The following RTL4 variants were observed in gnomAD, a reference collection of about 807,000 sequenced individuals.
RTL4 encodes the protein retrotransposon Gag like 4, also known as retrotransposon Gag-like protein 4.
A neutral mutation model predicts 5.3 loss-of-function variants in RTL4; 4 were observed. That is an observed-to-expected ratio of 0.75 (90% CI 0.37 to 1.72). The LOEUF is 1.72. Among genes scored for constraint, RTL4 ranks in the 40% most tolerant of loss-of-function variants. RTL4 has a pLI of 0.04. For missense variants in RTL4, 260 were observed against 227.1 expected (o/e 1.14, Z -0.93); for synonymous variants, 98 against 87.3 (o/e 1.12, Z -0.68).
the RTL4 span, among the ~76,000 whole-genome samples, chrX:112,300,693 G>T: frequency 8.9e-6 from 1 of 112,217 alleles, no homozygotes; most frequent in African/African-American, 3.2e-5. Context: ...CATGGCCTTA[G>T]TAGTTAGAGA....
the RTL4 span, among the ~76,000 whole-genome samples, chrX:112,115,705 A>C: frequency 8.9e-6 from 1 of 111,779 alleles, no homozygotes; most frequent in Non-Finnish European, 1.9e-5. Flanking sequence ...CAGGTGCCTA[A>C]GGAAGGGAAC....
the RTL4 span, among the ~76,000 whole-genome samples, chrX:112,328,742 G>C: frequency 9.0e-6 from 1 of 111,403 alleles, no homozygotes; most frequent in African/African-American, 3.3e-5. Context: ...TACCAAAATT[G>C]ACCACATACT....
the RTL4 span, among the ~76,000 whole-genome samples, chrX:112,246,236 C>T: frequency 8.9e-6 from 1 of 111,790 alleles, no homozygotes; most frequent in Non-Finnish European, 1.9e-5. Flanking sequence ...CTGGGAGAAC[C>T]ATTGCTCTCT....
At chrX:112,163,011 C>T in the RTL4 span, among the ~76,000 whole-genome samples, 1 of 111,789 alleles carries the variant, frequency 8.9e-6, no homozygotes, top group Non-Finnish European at 1.9e-5. Flanking sequence ...GTGTTCAGTT[C>T]TCCTCATTTA....
chrX:112,406,695 C>T, the RTL4 span, among the ~76,000 whole-genome samples: 1 of 110,884 alleles, frequency 9.0e-6, no homozygotes, highest in African/African-American at 3.3e-5. Flanking sequence ...GATGGCATCA[C>T]CTCTACCCTA....
At chrX:112,228,006 C>G in the RTL4 span, among the ~76,000 whole-genome samples, 3 of 111,465 alleles carry the variant, frequency 2.7e-5, no homozygotes, top group Non-Finnish European at 5.6e-5. Flanking sequence ...ACTTCACTCT[C>G]TGCTAGTCTG....
At chrX:112,364,567 G>A in the RTL4 span, among the ~76,000 whole-genome samples, 3 of 111,140 alleles carry the variant, frequency 2.7e-5, no homozygotes, top group Non-Finnish European at 5.7e-5. Context: ...CTGGTGAGGG[G>A]TGGTGATGGT....
chrX:112,213,866 A>T, the RTL4 span, among the ~76,000 whole-genome samples: 1 of 109,526 alleles, frequency 9.1e-6, no homozygotes, highest in Non-Finnish European at 1.9e-5. Flanking sequence ...CTTCACTGTG[A>T]TATTTATTCA....
chrX:112,141,754 G>GA, the RTL4 span, among the ~76,000 whole-genome samples: 3 of 110,536 alleles, frequency 2.7e-5, no homozygotes, highest in Non-Finnish European at 5.7e-5. Flanking sequence ...GAAATGTACT[G>GA]AAAAAAAAGG....
chrX:112,327,261 A>C, the RTL4 span, among the ~76,000 whole-genome samples: 2 of 111,776 alleles, frequency 1.8e-5, no homozygotes, highest in African/African-American at 6.5e-5. Flanking sequence ...ACTTTGAAAA[A>C]AATTTGGAAG....
chrX:112,259,799 C>A, the RTL4 span, among the ~76,000 whole-genome samples: 5 of 111,830 alleles, frequency 4.5e-5, no homozygotes, highest in African/African-American at 1.6e-4. Context: ...AATTTCAATC[C>A]TTCTGTCCAG....
chrX:112,446,105 C>T, the RTL4 span, among the ~76,000 whole-genome samples: 2 of 112,132 alleles, frequency 1.8e-5, no homozygotes, highest in Non-Finnish European at 3.8e-5. Context: ...TCCCCAGAAT[C>T]TGCTCTGTTT....
the RTL4 span, among the ~76,000 whole-genome samples, chrX:112,101,985 T>C: frequency 1.3e-3 from 146 of 110,788 alleles, no homozygotes; most frequent in Middle Eastern, 4.7e-3. Context: ...TGTGGCCTTA[T>C]AGACTTTGAT....
the RTL4 span, among the ~76,000 whole-genome samples, chrX:112,383,204 T>C: frequency 8.9e-6 from 1 of 111,854 alleles, no homozygotes; most frequent in Admixed American, 9.5e-5. Flanking sequence ...TTTTAAATTA[T>C]ATATTTCTAG....
chrX:112,323,783 G>A, the RTL4 span, among the ~76,000 whole-genome samples: 1 of 112,056 alleles, frequency 8.9e-6, no homozygotes, highest in South Asian at 3.6e-4. Flanking sequence ...AGCCACCATG[G>A]CCAGGCTTGA....
chrX:112,171,918 C>T, the RTL4 span, among the ~76,000 whole-genome samples: 1 of 112,090 alleles, frequency 8.9e-6, no homozygotes, highest in Admixed American at 9.4e-5. Flanking sequence ...TCAGAGTGAA[C>T]AGACAACCTA....
the RTL4 span, among the ~76,000 whole-genome samples, chrX:112,090,660 T>G: frequency 2.5e-4 from 28 of 111,382 alleles, no homozygotes; most frequent in African/African-American, 6.8e-4. Context: ...TAGTATTTTT[T>G]TGGGGATTTT....
chrX:112,284,849 C>T, the RTL4 span, among the ~76,000 whole-genome samples: 2,072 of 111,516 alleles, frequency 0.019, 53 homozygotes, highest in African/African-American at 0.061. Context: ...ATCCCAGAGA[C>T]GCTCTAGAGC....
chrX:112,345,903 G>A, the RTL4 span, among the ~76,000 whole-genome samples: 1 of 111,379 alleles, frequency 9.0e-6, no homozygotes, highest in Non-Finnish European at 1.9e-5. Flanking sequence ...ACCAAGACAG[G>A]AATTTGATTT....
Sources: allele counts gnomAD v4.1 joint callset (sites outside exome capture counted in the v4.1 genomes callset), GRCh38; gene constraint gnomAD v4.1.1; transcripts MANE v1.5; gene names NCBI Gene and HGNC (gene_info 2026-07-23, HGNC 2026-07-21).